Variants in GRIN2A observed in about 807,000 individuals in gnomAD.
GRIN2A encodes glutamate ionotropic receptor NMDA type subunit 2A.
In GRIN2A, 22 loss-of-function variants were observed where a neutral mutation model predicts 113.4. The observed-to-expected ratio is 0.19, with a 90% CI of 0.14 to 0.28. The LOEUF (loss-of-function observed/expected upper bound fraction) is 0.28, where lower values mean the gene tolerates loss of function less well. GRIN2A is among the 10% of genes least tolerant of loss of function. GRIN2A has a pLI of 1.00. For missense variants in GRIN2A, 1,502 were observed against 1,887.0 expected (o/e 0.80, Z 3.78); for synonymous variants, 827 against 738.4 (o/e 1.12, Z -1.94).
In GRIN2A at chr16:9,764,765, T is replaced by C. The variant is rs761044372; in HGVS notation, c.2779A>G (p.Arg927Gly). 36 of 1,614,218 alleles carry C rather than the reference T, an allele frequency of 2.2e-5. No individual in the cohort carries two copies. Among genetic ancestry groups the C allele is most frequent in the Non-Finnish European group, 2.9e-5 (34 of 1,180,004 alleles). Residue 927 changes from arginine to glycine, a missense_variant, in exon 13 of 13, where the codon AGA becomes GGA. Physicochemically the swap from Arg to Gly is moderately radical, Grantham distance 125. This residue lies in a region of GRIN2A where 832 missense variants were observed against 789.7 expected (regional missense o/e 1.05). Transcript: ENST00000330684. ...SPKRAADFIQ[R>G]GSLIMDMVSD... ...ACCATGTCCATGATGAGGGAACCTC[T>C]TTGGATGAAGTCAGCAGCTCTTTTG...
chr16:10,157,203 G>A (rs773949842), intron 2 of GRIN2A, among the ~76,000 whole-genome samples: 1 of 152,210 alleles, frequency 6.6e-6, no homozygotes, highest in African/African-American at 2.4e-5. Flanking sequence ...GACGAACCAA[G>A]AGTTGGGCAG....
At chr16:9,925,471 G>T (rs1306521996) in intron 3 of GRIN2A, among the ~76,000 whole-genome samples, 1 of 152,076 alleles carries the variant, frequency 6.6e-6, no homozygotes, top group Non-Finnish European at 1.5e-5. Context: ...CATTTACGCG[G>T]ATCACTTTTC....
chr16:10,132,360 A>AAAAAAAAAAAAAAAAAAATT (rs2049083784), intron 2 of GRIN2A, among the ~76,000 whole-genome samples: 1 of 149,330 alleles, frequency 6.7e-6, no homozygotes. Flanking sequence ...AAAAAAAAAG[A>AAAAAAAAAAAAAAAAAAATT]TGTGAAATAA....
intron 2 of GRIN2A, among the ~76,000 whole-genome samples, chr16:10,153,551 G>C (rs1222897269): frequency 3.3e-5 from 5 of 152,182 alleles, no homozygotes; most frequent in Admixed American, 2.6e-4. Context: ...CTCTACTATA[G>C]TTAGGGTGAT....
intron 2 of GRIN2A, among the ~76,000 whole-genome samples, chr16:10,019,120 T>TGTCC (rs2046667567): frequency 6.6e-6 from 1 of 150,954 alleles, no homozygotes; most frequent in South Asian, 2.1e-4. Context: ...TTGCAGGATC[T>TGTCC]GTGCCTCAGT....
intron 2 of GRIN2A, among the ~76,000 whole-genome samples, chr16:10,115,270 C>T (rs147579749): frequency 4.3e-4 from 66 of 151,862 alleles, no homozygotes; most frequent in African/African-American, 1.5e-3. Context: ...CTTATGGTTT[C>T]AAAATGCTGG....
Position 9,763,997 on chromosome 16 carries a change from G to C in GRIN2A, c.3547C>G (p.Gln1183Glu), listed in dbSNP as rs1555482367. The C allele has an allele frequency of 6.2e-7, 1 of 1,614,160 alleles. No homozygotes were observed. Among genetic ancestry groups the C allele is most frequent in the Non-Finnish European group, 8.5e-7 (1 of 1,180,022 alleles). ...HNEEGLSNND[Q>E]YKLYSKHFTL... ...AAGTGCTTGGAGTAGAGTTTATACT[G>C]GTCGTTGTTGGAAAGCCCCTCTTCA... is the stretch of plus-strand genomic sequence containing the variant. Residue 1183 changes from glutamine to glutamate, a missense_variant, in exon 13 of 13, where the codon CAG becomes GAG. Gln to Glu is a conservative substitution (Grantham distance 29). Around this residue, in one of 7 missense-constraint regions of GRIN2A, gnomAD observed 832 missense variants for 789.7 expected, o/e 1.05. Coordinates refer to ENST00000330684, the MANE Select transcript of GRIN2A (RefSeq NM_001134407.3).
At chr16:10,078,463 C>A (rs1264394744) in intron 2 of GRIN2A, among the ~76,000 whole-genome samples, 1 of 106,464 alleles carries the variant, frequency 9.4e-6, no homozygotes, top group African/African-American at 3.4e-5. Context: ...TTAGGCAAGA[C>A]AAGGGGGGAA....
chr16:9,814,873 G>C (rs1301233478), intron 10 of GRIN2A, among the ~76,000 whole-genome samples: 1 of 151,948 alleles, frequency 6.6e-6, no homozygotes, highest in Non-Finnish European at 1.5e-5. Context: ...ATACAAAATT[G>C]ACAGGGCATG....
Position 9,767,292 on chromosome 16 carries a change from C to T in GRIN2A, c.2595+1559G>A, listed in dbSNP as rs534515330. ...CCTCACTAAACTAATGTGTACCTTC[C>T]GAATCTCCACAGTTCTTGAAACTAG... On this transcript the variant is annotated intron_variant, in intron 12 of 12. Transcript: ENST00000330684. 7.9e-5 allele frequency among the ~76,000 whole-genome samples: 12 copies of T among 152,240 alleles called. No homozygotes were observed. In the East Asian group the frequency reaches 1.2e-3, roughly 15 times the overall value.
chr16:10,009,488 T>C (rs540963971), intron 2 of GRIN2A, among the ~76,000 whole-genome samples: 1 of 152,214 alleles, frequency 6.6e-6, no homozygotes, highest in African/African-American at 2.4e-5. Context: ...ATAAGTGCCC[T>C]TTTATTTGTG....
chr16:10,030,319 G>C (rs965899980), intron 2 of GRIN2A, among the ~76,000 whole-genome samples: 1 of 152,070 alleles, frequency 6.6e-6, no homozygotes, highest in Non-Finnish European at 1.5e-5. Context: ...AGTTTCCTAT[G>C]CCCTTCTCTG....
chr16:10,082,312 G>A (rs1027734472), intron 2 of GRIN2A, among the ~76,000 whole-genome samples: 6 of 152,208 alleles, frequency 3.9e-5, no homozygotes, highest in African/African-American at 1.2e-4. Flanking sequence ...TGTTCCCAAA[G>A]TGATAGTCTT....
At chr16:9,896,053 CT>C (rs35262828) in intron 3 of GRIN2A, among the ~76,000 whole-genome samples, 42,378 of 146,764 alleles carry the variant, frequency 0.29, 6,724 homozygotes, top group African/African-American at 0.44. Context: ...GTCACAGCAA[CT>C]TTTTTTTTTT....
At chr16:10,103,298 A>T (rs2048435239) in intron 2 of GRIN2A, among the ~76,000 whole-genome samples, 1 of 152,190 alleles carries the variant, frequency 6.6e-6, no homozygotes, top group South Asian at 2.1e-4. Context: ...TGAAAGAAAC[A>T]ACACACTTGG....
At chr16:9,981,690 C>T (rs189826156) in intron 2 of GRIN2A, among the ~76,000 whole-genome samples, 5 of 152,268 alleles carry the variant, frequency 3.3e-5, no homozygotes, top group Non-Finnish European at 4.4e-5. Context: ...AGTGTCTGGT[C>T]TGTGTTCATA....
At chr16:9,843,510 T>C (rs959430326) in intron 5 of GRIN2A, among the ~76,000 whole-genome samples, 3 of 152,266 alleles carry the variant, frequency 2.0e-5, no homozygotes, top group African/African-American at 7.2e-5. Flanking sequence ...AACATAATTT[T>C]GAGTAACAGA....
At chr16:10,143,360 C>T (rs1044545068) in intron 2 of GRIN2A, among the ~76,000 whole-genome samples, 4 of 152,030 alleles carry the variant, frequency 2.6e-5, no homozygotes, top group African/African-American at 7.3e-5. Flanking sequence ...CTTAAATTTT[C>T]AAAAATTCAG....
chr16:10,005,036 T>C (rs2046382214), intron 2 of GRIN2A, among the ~76,000 whole-genome samples: 1 of 152,222 alleles, frequency 6.6e-6, no homozygotes, highest in African/African-American at 2.4e-5. Context: ...CGAAAATTTA[T>C]TTTTATAAAA....
Sources: gnomAD v4.1 joint callset for allele counts (sites outside exome capture counted in the v4.1 genomes callset) on GRCh38, gnomAD v4.1.1 for gene constraint, gnomAD v4.1.1 regional missense constraint, MANE v1.5 for transcripts, NCBI Gene and HGNC (gene_info 2026-07-23, HGNC 2026-07-21) for gene names.